The following ASIC1 variants were observed in gnomAD, a reference collection of about 807,000 sequenced individuals.
ASIC1 encodes acid sensing ion channel subunit 1.
Under a neutral mutation model 63.4 loss-of-function variants are expected in ASIC1, and 21 were observed. The observed-to-expected ratio is 0.33, with a 90% confidence interval of 0.23 to 0.48. The LOEUF (loss-of-function observed/expected upper bound fraction) is 0.48. Among genes scored for constraint, ASIC1 ranks in the 20% least tolerant of loss-of-function variants. The pLI, the probability that ASIC1 is intolerant of heterozygous loss-of-function variation, is 0.99. For missense variants in ASIC1, 478 were observed against 695.5 expected, an observed-to-expected ratio of 0.69 and a Z score of 3.52; for synonymous variants, 258 against 278.2, an observed-to-expected ratio of 0.93 and a Z score of 0.72.
rs749526066 is a variant in ASIC1, at chr12:50,077,964, G to A, written c.710-36G>A. The A allele has an allele frequency of 1.3e-5, 20 of 1,585,222 alleles. No individual in the cohort carries two copies. The South Asian group carries it at 2.3e-4, about 18-fold the overall frequency. On this transcript the variant is annotated intron_variant, in intron 4 of 11. Coordinates refer to ENST00000447966, the MANE Select transcript of ASIC1 (RefSeq NM_001095.4). Reference sequence around the variant, plus strand: ...GGTCTGAGGGGTGTTAGGGAGTCAGGAGCCCTCCCAACCCACACACTCCTC... The same window carrying A: ...GGTCTGAGGGGTGTTAGGGAGTCAGAAGCCCTCCCAACCCACACACTCCTC...
At chr12:50,073,995 C>T in intron 3 of ASIC1, 1 of 1,535,736 alleles carries the variant, frequency 6.5e-7, no homozygotes, top group Non-Finnish European at 8.7e-7. Context: ...CGGCAGTCAC[C>T]CTCTGCAACA....
At chr12:50,077,775 A>T (rs1431564603) in intron 4 of ASIC1, among the ~76,000 whole-genome samples, 11 of 152,170 alleles carry the variant, frequency 7.2e-5, no homozygotes, top group Admixed American at 7.2e-4. Flanking sequence ...GCAGAGCAGA[A>T]GCCAGGTAAG....
At chr12:50,079,085 G>T in intron 7 of ASIC1, 105 bp downstream of exon 7, 5 of 1,145,076 alleles carry the variant, frequency 4.4e-6, no homozygotes, top group Non-Finnish European at 6.5e-6. Context: ...ATAACTCCTG[G>T]ACTGGGCTGC....
At chr12:50,073,952 T>G in intron 3 of ASIC1, 5 of 1,535,886 alleles carry the variant, frequency 3.3e-6, no homozygotes, top group Non-Finnish European at 4.4e-6. Flanking sequence ...GTGACCCTTC[T>G]AAACGAAGTG....
intron 3 of ASIC1, chr12:50,073,632 A>G: frequency 6.5e-7 from 1 of 1,535,982 alleles, no homozygotes; most frequent in South Asian, 1.2e-5. Context: ...CTGGAGAGGA[A>G]GCCCCAGGGC....
intron 7 of ASIC1, 26 bp downstream of exon 7, chr12:50,079,006 C>T: frequency 3.1e-6 from 5 of 1,610,258 alleles, no homozygotes; most frequent in Non-Finnish European, 4.2e-6. Flanking sequence ...CTGGGGCAGT[C>T]TGGGGGAGGG....
At position 50,059,219 on chromosome 12, in the gene ASIC1, A is replaced by T; in HGVS notation, c.362+91A>T. 6.5e-7 allele frequency: 1 copy of T among 1,527,348 alleles called. No individual in the cohort carries two copies. Among genetic ancestry groups the T allele is most frequent in the African/African-American group, 1.4e-5 (1 of 73,528 alleles). The allele number at this position is 1,527,348 out of a possible 1,614,324, so 94.6% of individuals were successfully genotyped here. ...GCCTCCCTGACCCACCATAGAGCCC[A>T]GCCAACCCTGCCCTTTAACCCACCC... On this transcript the variant is annotated intron_variant, in intron 2 of 11. Coordinates refer to ENST00000447966, the MANE Select transcript of ASIC1 (RefSeq NM_001095.4). The surrounding 1 kb of genome is among the most constrained non-coding windows in gnomAD (Gnocchi z 4.6).
chr12:50,066,322 G>A (rs1420484250), intron 3 of ASIC1, among the ~76,000 whole-genome samples: 1 of 152,092 alleles, frequency 6.6e-6, no homozygotes, highest in Non-Finnish European at 1.5e-5. Context: ...GTGGGACCCT[G>A]ACTTCAGATC....
Position 50,082,063 on chromosome 12 carries a change from A to C in ASIC1, c.*414A>C. On this transcript the variant is annotated 3_prime_UTR_variant, in exon 12 of 12. Coordinates refer to ENST00000447966, the MANE Select transcript of ASIC1 (RefSeq NM_001095.4). ...TCTGGGGTCTGGAATTTGGCCCCAA[A>C]CCAGAGAATGTACCTTAAGGGGGAG... The C allele has an allele frequency of 1.0e-5, 2 of 190,972 alleles. No homozygotes were observed. The highest frequency in any genetic ancestry group is 1.1e-5 in the Non-Finnish European group (1 of 92,332). The allele number at this position is 190,972 out of a possible 1,614,324, so 11.8% of individuals were successfully genotyped here. A position where few individuals can be genotyped will look rare whatever the true frequency, so the allele number is the denominator to read the frequency against.
chr12:50,080,397 G>A (rs1592280326), intron 8 of ASIC1, 101 bp from the exon 9 acceptor site: 2 of 1,123,192 alleles, frequency 1.8e-6, no homozygotes, highest in South Asian at 1.4e-5. Context: ...TTATGGATAT[G>A]GAAACTGAGA....
chr12:50,077,116 G>T, intron 3 of ASIC1, 97 bp from the exon 4 acceptor site: 2 of 1,581,344 alleles, frequency 1.3e-6, no homozygotes, highest in Non-Finnish European at 1.7e-6. Flanking sequence ...ATTCCCAAAG[G>T]GTGTTGAGAT....
chr12:50,079,721 G>A (rs1243826461), intron 7 of ASIC1, among the ~76,000 whole-genome samples, 181 bp from the exon 8 acceptor site: 2 of 152,264 alleles, frequency 1.3e-5, no homozygotes, highest in South Asian at 2.1e-4. Flanking sequence ...CCTCAAACAT[G>A]CCTCAGGCTG....
At chr12:50,063,576 A>G (rs770951650) in intron 3 of ASIC1, among the ~76,000 whole-genome samples, 8 of 152,178 alleles carry the variant, frequency 5.3e-5, no homozygotes, top group Non-Finnish European at 7.4e-5. Context: ...AGGGGTCCAC[A>G]GGAGTCCTTC....
intron 3 of ASIC1, among the ~76,000 whole-genome samples, chr12:50,067,836 T>G (rs1950561083): frequency 6.6e-6 from 1 of 152,166 alleles, no homozygotes; most frequent in South Asian, 2.1e-4. Context: ...ACTTGGCCAT[T>G]TAGTGTCATC....
chr12:50,061,738 C>G (rs897410787), intron 3 of ASIC1, among the ~76,000 whole-genome samples: 2 of 152,200 alleles, frequency 1.3e-5, no homozygotes, highest in African/African-American at 4.8e-5. Flanking sequence ...TCAGTTGAGG[C>G]TCCATCTGTC....
intron 3 of ASIC1, among the ~76,000 whole-genome samples, chr12:50,068,676 A>G (rs1950569206): frequency 6.6e-6 from 1 of 151,156 alleles, no homozygotes; most frequent in African/African-American, 2.4e-5. Context: ...AACCAAAGTC[A>G]TCATCTTACC....
In ASIC1 at chr12:50,081,150, C is replaced by T. The variant is rs1280637039; in HGVS notation, c.1346C>T (p.Thr449Met). The change falls in exon 10 of 12, where the codon ACG becomes ATG. Residue 449 changes from threonine (T) to methionine (M), a missense_variant. By Grantham distance (81) the Thr-to-Met change is moderately conservative (BLOSUM62 -1). Transcript: ENST00000447966. The stretch of plus-strand genomic sequence containing the variant: ...CTGTTCATCGGGGCCAGCATCCTCA[C>T]GGTGCTGGAGCTCTTTGACTACGCC... Reference protein sequence around the residue: ...MGLFIGASILTVLELFDYAYE... With the variant: ...MGLFIGASILMVLELFDYAYE... The T allele has an allele frequency of 6.2e-7, 1 of 1,612,456 alleles. No homozygotes were observed. The highest frequency in any genetic ancestry group is 1.7e-5 in the Admixed American group (1 of 59,790).
intron 3 of ASIC1, chr12:50,073,545 C>T: frequency 6.8e-7 from 1 of 1,466,770 alleles, no homozygotes. Flanking sequence ...CTTCCCCCTT[C>T]CTCCTGCAAA....
Position 50,074,114 on chromosome 12 carries a change from G to T in ASIC1, c.559-3099G>T. On this transcript the variant is annotated intron_variant, in intron 3 of 11. Coordinates refer to ENST00000447966, the MANE Select transcript of ASIC1 (RefSeq NM_001095.4). This position sits in a 1 kb window ranked among gnomAD's most constrained non-coding sequence, Gnocchi z 4.2. ...CCCGGGGTGCCCCTCGCTCCACCGGGCCCTGAGGCCTTCTCTGGGGAGCCC... is the reference window on the plus strand; with the variant it reads ...CCCGGGGTGCCCCTCGCTCCACCGGTCCCTGAGGCCTTCTCTGGGGAGCCC... 1 of 1,535,728 alleles carries T rather than the reference G, an allele frequency of 6.5e-7. No homozygotes were observed. Among genetic ancestry groups the T allele is most frequent in the South Asian group, 1.2e-5 (1 of 84,026 alleles).
Sources: allele counts gnomAD v4.1 joint callset (sites outside exome capture counted in the v4.1 genomes callset), GRCh38; gene constraint gnomAD v4.1.1; non-coding constraint Gnocchi (gnomAD v3.1); transcripts MANE v1.5; gene names NCBI Gene and HGNC (gene_info 2026-07-23, HGNC 2026-07-21).